SMYD3: variants seen among roughly 807,000 people sequenced by gnomAD.
The protein encoded by SMYD3 is SET and MYND domain containing 3, also known as histone-lysine N-methyltransferase SMYD3.
In SMYD3, 36 loss-of-function variants were observed where a neutral mutation model predicts 57.7. The ratio of observed to expected loss-of-function variants is 0.62; its 90% confidence interval spans 0.48 to 0.82. The LOEUF is 0.82. SMYD3 is among the 40% of genes least tolerant of loss of function. SMYD3 has a pLI of 0.00. For missense variants in SMYD3, 515 were observed against 538.8 expected (o/e 0.96, Z 0.44); for synonymous variants, 211 against 195.0 (o/e 1.08, Z -0.68).
chr1:246,041,990 A>T (rs2059885326), intron 5 of SMYD3, among the ~76,000 whole-genome samples: 1 of 152,150 alleles, frequency 6.6e-6, no homozygotes, highest in Non-Finnish European at 1.5e-5. Flanking sequence ...CTTTCATTTC[A>T]TAGTTGAGAA....
At chr1:246,193,987 T>C (rs61840455) in intron 5 of SMYD3, among the ~76,000 whole-genome samples, 17,468 of 152,220 alleles carry the variant, frequency 0.11, 1,238 homozygotes, top group Non-Finnish European at 0.17. Context: ...TGGATACAAA[T>C]TGGTCATTAT....
intron 1 of SMYD3, among the ~76,000 whole-genome samples, chr1:246,437,740 TAG>T (rs1358164292): frequency 6.6e-6 from 1 of 152,226 alleles, no homozygotes; most frequent in African/African-American, 2.4e-5. Context: ...TCTTAAAACT[TAG>T]AGTTTTGACT....
chr1:246,318,855 C>CA lies in SMYD3; in HGVS notation c.531+8345dup, dbSNP rs143456566. On this transcript the variant is annotated intron_variant, in intron 5 of 11. Coordinates refer to ENST00000490107, the MANE Select transcript of SMYD3 (RefSeq NM_001167740.2). ...TTAAGAACTTACTAATTATCCTTCC[C>CA]AACTTCAGAAGTTTAGCTGGCATCT... 1.8e-3 allele frequency among the ~76,000 whole-genome samples: 270 copies of CA among 152,308 alleles called. 2 individuals are homozygous for CA. The highest frequency in any genetic ancestry group is 6.4e-3 in the African/African-American group (266 of 41,564).
intron 5 of SMYD3, among the ~76,000 whole-genome samples, chr1:246,159,117 C>T (rs182439776): frequency 3.9e-4 from 60 of 152,196 alleles, no homozygotes; most frequent in Admixed American, 7.8e-4. Context: ...AGAATGAGAG[C>T]GCCAACCATT....
intron 1 of SMYD3, among the ~76,000 whole-genome samples, chr1:246,440,607 GA>G (rs987352552): frequency 3.3e-5 from 5 of 151,714 alleles, no homozygotes; most frequent in African/African-American, 4.8e-5. Context: ...ATATATCTAT[GA>G]AAAAAAATAT....
intron 5 of SMYD3, among the ~76,000 whole-genome samples, chr1:246,296,603 A>T (rs1009472256): frequency 2.0e-5 from 3 of 152,070 alleles, no homozygotes; most frequent in Non-Finnish European, 4.4e-5. Context: ...AGCCTTGAAC[A>T]TTGTGTGTAA....
intron 5 of SMYD3, among the ~76,000 whole-genome samples, chr1:246,027,622 C>CTACT (rs1358539255): frequency 6.6e-6 from 1 of 152,126 alleles, no homozygotes; most frequent in Non-Finnish European, 1.5e-5. Context: ...TTCTTGTGAC[C>CTACT]TACTGCTCAG....
At chr1:245,956,752 T>G (rs2057856977) in intron 5 of SMYD3, among the ~76,000 whole-genome samples, 1 of 152,336 alleles carries the variant, frequency 6.6e-6, no homozygotes, top group South Asian at 2.1e-4. Flanking sequence ...AAAAACTGAC[T>G]TCTTGATTTC....
chr1:246,269,936 C>T (rs2064187697), intron 5 of SMYD3, among the ~76,000 whole-genome samples: 1 of 152,074 alleles, frequency 6.6e-6, no homozygotes, highest in South Asian at 2.1e-4. Flanking sequence ...CATGTTGGTT[C>T]CTGAAGAATG....
intron 5 of SMYD3, among the ~76,000 whole-genome samples, chr1:246,035,045 A>G (rs11808864): frequency 0.018 from 2,790 of 152,168 alleles, 87 homozygotes; most frequent in African/African-American, 0.064. Context: ...GGCACAGCAA[A>G]CGTCTCCCCA....
intron 1 of SMYD3, among the ~76,000 whole-genome samples, chr1:246,379,438 A>T (rs1227425038): frequency 2.0e-5 from 3 of 152,188 alleles, no homozygotes; most frequent in African/African-American, 7.2e-5. Context: ...TAATATATTA[A>T]ACAGCTTAGC....
intron 5 of SMYD3, among the ~76,000 whole-genome samples, chr1:246,169,227 A>G (rs1455648545): frequency 6.6e-6 from 1 of 152,070 alleles, no homozygotes; most frequent in African/African-American, 2.4e-5. Context: ...AGTCACGGGT[A>G]AGCTCACGTT....
chr1:246,125,376 C>T (rs1488894009), intron 5 of SMYD3, among the ~76,000 whole-genome samples: 1 of 152,138 alleles, frequency 6.6e-6, no homozygotes, highest in Non-Finnish European at 1.5e-5. Flanking sequence ...TCAAATTCCT[C>T]AGACAAAATC....
rs185780635 is a variant in SMYD3 at position 246,013,336 on chromosome 1, T to C, written c.532-83399A>G. Among the ~76,000 whole-genome samples, 811 of 152,170 alleles carry C rather than the reference T, an allele frequency of 5.3e-3. 9 individuals carry two copies. Among genetic ancestry groups the C allele is most frequent in the African/African-American group, 0.019 (784 of 41,496 alleles). ...CTGGGATTACAGGCACGTGCCACCA[T>C]GTCCAGCTAATTTTTGTATTTTTAG... On this transcript the variant is annotated intron_variant, in intron 5 of 11. Coordinates refer to ENST00000490107, the MANE Select transcript of SMYD3 (RefSeq NM_001167740.2).
At chr1:246,351,376 T>G (rs1204575722) in intron 2 of SMYD3, among the ~76,000 whole-genome samples, 3 of 152,236 alleles carry the variant, frequency 2.0e-5, no homozygotes, top group Non-Finnish European at 4.4e-5. Flanking sequence ...GAAATTGACT[T>G]ACTTGCTATC....
At chr1:246,258,827 T>C (rs574848981) in intron 5 of SMYD3, among the ~76,000 whole-genome samples, 1 of 152,164 alleles carries the variant, frequency 6.6e-6, no homozygotes, top group Non-Finnish European at 1.5e-5. Flanking sequence ...TTGCTTATTT[T>C]TTTCCTTCTC....
chr1:246,426,748 ATAAAG>A (rs369156472), intron 1 of SMYD3, among the ~76,000 whole-genome samples: 51 of 152,278 alleles, frequency 3.3e-4, no homozygotes, highest in African/African-American at 1.1e-3. Context: ...TGTCTTCCTA[ATAAAG>A]TAAAGTGCTG....
chr1:246,228,007 AC>A (rs2063354841), intron 5 of SMYD3, among the ~76,000 whole-genome samples: 1 of 77,810 alleles, frequency 1.3e-5, no homozygotes, highest in Non-Finnish European at 2.4e-5. Context: ...CATCACCCAA[AC>A]TCCAAACTAC....
chr1:245,847,342 T>C (rs1385498317), intron 10 of SMYD3, among the ~76,000 whole-genome samples: 1 of 152,236 alleles, frequency 6.6e-6, no homozygotes, highest in African/African-American at 2.4e-5. Flanking sequence ...ATGTTTGCAT[T>C]GTAACTGAAG....
Sources: allele counts gnomAD v4.1 joint callset (sites outside exome capture counted in the v4.1 genomes callset), GRCh38; gene constraint gnomAD v4.1.1; transcripts MANE v1.5; gene names NCBI Gene and HGNC (gene_info 2026-07-23, HGNC 2026-07-21).